Variants in CNTNAP5 observed in about 807,000 individuals in gnomAD.
The protein encoded by CNTNAP5 is contactin-associated protein-like 5.
A neutral mutation model predicts 150.2 loss-of-function variants in CNTNAP5; 72 were observed. The observed-to-expected ratio is 0.48, with a 90% CI of 0.40 to 0.58. The LOEUF is 0.58. CNTNAP5 is among the 20% of genes least tolerant of loss of function. CNTNAP5 has a pLI of 0.00. For missense variants in CNTNAP5, 1,636 were observed against 1,626.2 expected, an observed-to-expected ratio of 1.01 and a Z score of -0.10; for synonymous variants, 672 against 619.8, an observed-to-expected ratio of 1.08 and a Z score of -1.25.
At chr2:124,641,475 CAT>C (rs1156637395) in intron 12 of CNTNAP5, among the ~76,000 whole-genome samples, 1 of 152,058 alleles carries the variant, frequency 6.6e-6, no homozygotes, top group Admixed American at 6.6e-5. Context: ...AAGGGAGAAA[CAT>C]ATGAAAAATT....
At position 124,527,380 on chromosome 2, in the gene CNTNAP5, G is replaced by A. The variant is rs745997139; in HGVS notation, c.1573G>A (p.Asp525Asn). 3.7e-6 allele frequency: 6 copies of A among 1,613,640 alleles called. No homozygotes were observed. Among genetic ancestry groups the A allele is most frequent in the Admixed American group, 1.7e-5 (1 of 59,998 alleles). ...CATCTTTATTGATAACCAGCCCAAG[G>A]ACCTCATTTCAGTTCAGCAAGGTTC... ...RLIFIDNQPK[D>N]LISVQQGSLG... Residue 525 changes from aspartate to asparagine, a missense_variant, in exon 10 of 24, where the codon GAC becomes AAC. Asp to Asn is a conservative substitution (Grantham distance 23). Coordinates refer to ENST00000682447, the MANE Select transcript of CNTNAP5 (RefSeq NM_001367498.1).
At chr2:124,839,747 G>A (rs1304942299) in intron 19 of CNTNAP5, among the ~76,000 whole-genome samples, 5 of 152,064 alleles carry the variant, frequency 3.3e-5, no homozygotes, top group Admixed American at 2.6e-4. Flanking sequence ...GACCCAGCCC[G>A]GCTGTACGTG....
At chr2:124,524,659 TAGGTCAGTGCTGAGGAAGAAA>T (rs1225725947) in intron 9 of CNTNAP5, among the ~76,000 whole-genome samples, 1 of 152,104 alleles carries the variant, frequency 6.6e-6, no homozygotes, top group African/African-American at 2.4e-5. Flanking sequence ...ATAAATTATC[TAGGTCAGTGCTGAGGAAGAAA>T]AGAACTTTAG....
chr2:124,461,558 A>G (rs950824715), intron 6 of CNTNAP5, among the ~76,000 whole-genome samples: 11 of 150,808 alleles, frequency 7.3e-5, no homozygotes, highest in Admixed American at 2.0e-4. Flanking sequence ...GGATAGCATT[A>G]GGAGATATAC....
intron 1 of CNTNAP5, among the ~76,000 whole-genome samples, chr2:124,126,137 G>T (rs1683691709): frequency 6.6e-6 from 1 of 152,028 alleles, no homozygotes; most frequent in South Asian, 2.1e-4. Flanking sequence ...CTGGTTTTTT[G>T]AAAAGATCAA....
At chr2:124,406,221 C>G (rs905157171) in intron 3 of CNTNAP5, among the ~76,000 whole-genome samples, 1 of 152,156 alleles carries the variant, frequency 6.6e-6, no homozygotes, top group Admixed American at 6.5e-5. Flanking sequence ...TAAGACCTAT[C>G]TTATTGTGCA....
intron 17 of CNTNAP5, 48 bp downstream of exon 17, chr2:124,773,065 CTG>C (rs1402453800): frequency 6.8e-7 from 1 of 1,463,592 alleles, no homozygotes; most frequent in South Asian, 1.1e-5. Flanking sequence ...TGCAAGATCA[CTG>C]TGTGACCATG....
intron 1 of CNTNAP5, among the ~76,000 whole-genome samples, chr2:124,085,015 G>T (rs1157668876): frequency 7.6e-6 from 1 of 131,298 alleles, no homozygotes; most frequent in African/African-American, 2.8e-5. Flanking sequence ...TCTGCCTCCC[G>T]GGTTGAAGCA....
chr2:124,588,161 C>CTT (rs1405805549), intron 11 of CNTNAP5, among the ~76,000 whole-genome samples: 192 of 58,136 alleles, frequency 3.3e-3, no homozygotes, highest in African/African-American at 0.012. Context: ...CTTCCTTTTC[C>CTT]TTCCTTCCTT....
chr2:124,089,691 A>C (rs1239321701), intron 1 of CNTNAP5, among the ~76,000 whole-genome samples: 1 of 152,222 alleles, frequency 6.6e-6, no homozygotes, highest in Non-Finnish European at 1.5e-5. Flanking sequence ...CCCAGTCCAG[A>C]TCTTACTCTA....
chr2:124,629,072 G>A (rs1365952672), intron 12 of CNTNAP5, among the ~76,000 whole-genome samples: 1 of 152,144 alleles, frequency 6.6e-6, no homozygotes, highest in East Asian at 1.9e-4. Flanking sequence ...AGTTCTTAGA[G>A]ACCCACAAAG....
intron 13 of CNTNAP5, among the ~76,000 whole-genome samples, chr2:124,682,552 T>C (rs1279289822): frequency 6.6e-6 from 1 of 152,174 alleles, no homozygotes; most frequent in Non-Finnish European, 1.5e-5. Flanking sequence ...ACTGGACCAC[T>C]GGACTGGGAA....
intron 8 of CNTNAP5, among the ~76,000 whole-genome samples, chr2:124,512,192 G>A (rs1288929161): frequency 1.3e-5 from 2 of 151,840 alleles, no homozygotes; most frequent in Non-Finnish European, 2.9e-5. Context: ...GCAAGCAGCA[G>A]TGAGGCAGGC....
chr2:124,560,422 G>C (rs1695861629), intron 10 of CNTNAP5, among the ~76,000 whole-genome samples: 1 of 151,572 alleles, frequency 6.6e-6, no homozygotes, highest in African/African-American at 2.4e-5. Context: ...GGGAGGCTGA[G>C]GCAGGAGAAT....
chr2:124,740,086 T>TA (rs1271092376), intron 13 of CNTNAP5, among the ~76,000 whole-genome samples: 2 of 149,576 alleles, frequency 1.3e-5, no homozygotes, highest in East Asian at 3.9e-4. Flanking sequence ...TTATGAATTA[T>TA]ATATTTAATT....
intron 21 of CNTNAP5, among the ~76,000 whole-genome samples, 200 bp from the exon 22 acceptor site, chr2:124,902,682 T>C (rs1256672420): frequency 1.3e-5 from 2 of 152,124 alleles, no homozygotes; most frequent in African/African-American, 4.8e-5. Context: ...TTCTATGAAA[T>C]GTAGTTGATA....
intron 3 of CNTNAP5, among the ~76,000 whole-genome samples, chr2:124,388,255 G>A (rs368366733): frequency 3.9e-5 from 6 of 152,188 alleles, no homozygotes; most frequent in African/African-American, 1.4e-4. Context: ...GTCAGATGGT[G>A]GCTAGGCCAG....
chr2:124,442,285 G>T (rs1692694566), intron 5 of CNTNAP5, among the ~76,000 whole-genome samples: 1 of 152,142 alleles, frequency 6.6e-6, no homozygotes, highest in African/African-American at 2.4e-5. Flanking sequence ...GTGGATGCAA[G>T]AAGGGTACAG....
At chr2:124,579,948 G>A (rs1587787) in intron 11 of CNTNAP5, among the ~76,000 whole-genome samples, 26,634 of 152,206 alleles carry the variant, frequency 0.17, 2,537 homozygotes, top group South Asian at 0.25. Context: ...AGTCACTTAT[G>A]CTAAATGTGA....
Sources: allele counts gnomAD v4.1 joint callset (sites outside exome capture counted in the v4.1 genomes callset), GRCh38; gene constraint gnomAD v4.1.1; transcripts MANE v1.5; gene names NCBI Gene and HGNC (gene_info 2026-07-23, HGNC 2026-07-21).